POP1: variants seen among roughly 807,000 people sequenced by gnomAD.
POP1 encodes the protein ribonucleases P/MRP protein subunit POP1.
POP1 carries 75 observed loss-of-function variants against 102.2 expected under a neutral mutation model. The observed-to-expected ratio is 0.73, with a 90% CI of 0.61 to 0.89. The LOEUF (loss-of-function observed/expected upper bound fraction) is 0.89. Among genes scored for constraint, POP1 ranks in the 40% least tolerant of loss-of-function variants. POP1 has a pLI of 0.00. For missense variants in POP1, 1,116 were observed against 1,267.4 expected, an observed-to-expected ratio of 0.88 and a Z score of 1.81; for synonymous variants, 436 against 464.1, an observed-to-expected ratio of 0.94 and a Z score of 0.78.
intron 14 of POP1, among the ~76,000 whole-genome samples, chr8:98,150,852 C>T (rs1448926549): frequency 1.3e-5 from 2 of 152,054 alleles, no homozygotes. Flanking sequence ...GTTATAAACC[C>T]TTCTGTTTGT....
At chr8:98,122,737 T>C (rs1030815718) in intron 1 of POP1, among the ~76,000 whole-genome samples, 1 of 152,226 alleles carries the variant, frequency 6.6e-6, no homozygotes, top group Non-Finnish European at 1.5e-5. Context: ...TTGTAGGGTA[T>C]GTCTCGATAT....
At chr8:98,134,137 A>G in intron 6 of POP1, 101 bp downstream of exon 6, 2 of 908,922 alleles carry the variant, frequency 2.2e-6, no homozygotes, top group Non-Finnish European at 3.6e-6. Flanking sequence ...AAACATATAG[A>G]AAAGTGTGTG....
rs1350491660 is a variant in POP1 at position 98,147,653 on chromosome 8, C to A, written c.1710+970C>A. Among the ~76,000 whole-genome samples, 4 of 151,978 alleles carry A rather than the reference C, an allele frequency of 2.6e-5. No individual in the cohort carries two copies. The East Asian group carries it at 7.7e-4, about 29-fold the overall frequency. On this transcript the variant is annotated intron_variant, in intron 12 of 15. Coordinates refer to ENST00000401707, the MANE Select transcript of POP1 (RefSeq NM_001145860.2). ...GCCTTAAAAAGACCCTTGAAATATT[C>A]TAGGTATGACATAATGGGGGCCTGA...
intron 2 of POP1, among the ~76,000 whole-genome samples, chr8:98,126,904 T>C (rs933433441): frequency 6.6e-6 from 1 of 152,232 alleles, no homozygotes; most frequent in South Asian, 2.1e-4. Context: ...AAAATTGGAA[T>C]TTGATACACT....
chr8:98,141,567 T>G (rs1816704456), intron 11 of POP1, among the ~76,000 whole-genome samples: 1 of 151,990 alleles, frequency 6.6e-6, no homozygotes, highest in Non-Finnish European at 1.5e-5. Context: ...AGAATTTTTT[T>G]TTTTTTGAGA....
chr8:98,120,584 G>T (rs1040315285), intron 1 of POP1, among the ~76,000 whole-genome samples: 2 of 151,678 alleles, frequency 1.3e-5, no homozygotes, highest in Admixed American at 6.6e-5. Context: ...GGATTCTCGT[G>T]CCTCAGCCTC....
chr8:98,158,019 A>G lies in POP1; in HGVS notation c.2823A>G (p.Glu941=). 6.2e-7 allele frequency: 1 copy of G among 1,611,886 alleles called. No individual in the cohort carries two copies. The highest frequency in any genetic ancestry group is 1.6e-4 in the Middle Eastern group (1 of 6,062). Residue 941 remains glutamate, a synonymous_variant, in exon 16 of 16, where the codon GAA becomes GAG. Coordinates refer to ENST00000401707, the MANE Select transcript of POP1 (RefSeq NM_001145860.2). The part of the protein sequence containing the change: ...PAGEEPVAGQ[E]ALTLGLWSGP... ...GGGAAGAGCCCGTGGCTGGGCAGGA[A>G]GCTCTGACTCTAGGGCTGTGGTCAG...
At chr8:98,119,696 A>T in intron 1 of POP1, among the ~76,000 whole-genome samples, 1 of 152,044 alleles carries the variant, frequency 6.6e-6, no homozygotes, top group East Asian at 1.9e-4. Flanking sequence ...TTCCCACTTC[A>T]GCCTCCCGAG....
chr8:98,150,372 A>G (rs1243309299), intron 13 of POP1, 113 bp from the exon 14 acceptor site: 4 of 1,122,420 alleles, frequency 3.6e-6, no homozygotes, highest in Admixed American at 3.5e-5. Context: ...GTGTATTTCT[A>G]TCCATTCTCC....
intron 13 of POP1, 58 bp from the exon 14 acceptor site, chr8:98,150,427 A>T: frequency 6.3e-7 from 1 of 1,594,262 alleles, no homozygotes; most frequent in South Asian, 1.1e-5. Context: ...CCATATAAAC[A>T]TTAAGCAATT....
chr8:98,125,098 G>T (rs1158847236), intron 2 of POP1, among the ~76,000 whole-genome samples: 1 of 151,504 alleles, frequency 6.6e-6, no homozygotes, highest in Non-Finnish European at 1.5e-5. Flanking sequence ...GATTTATAGT[G>T]GCTTAATAAT....
In POP1 at chr8:98,157,767, T is replaced by C; in HGVS notation, c.2571T>C (p.Val857=). 1 of 1,614,188 alleles carries C rather than the reference T, an allele frequency of 6.2e-7. No individual in the cohort carries two copies. The highest frequency in any genetic ancestry group is 1.1e-5 in the South Asian group (1 of 91,082). Reference sequence around the variant, plus strand: ...TGGGCCACTTCCCCAGGGCCCTGGTTTGGGTCAGCCTGTCCCTGCTCAGCA... The same window carrying C: ...TGGGCCACTTCCCCAGGGCCCTGGTCTGGGTCAGCCTGTCCCTGCTCAGCA... The part of the protein sequence containing the change: ...SILGHFPRAL[V]WVSLSLLSKG... The change falls in exon 16 of 16, where the codon GTT becomes GTC. Residue 857 remains valine (V), a synonymous_variant. Transcript: ENST00000401707.
intron 5 of POP1, among the ~76,000 whole-genome samples, chr8:98,132,453 G>A (rs1816406214): frequency 1.3e-5 from 2 of 152,204 alleles, no homozygotes; most frequent in Admixed American, 6.5e-5. Context: ...AGATTTCTTT[G>A]TGTGAGTGAT....
At chr8:98,149,750 T>C (rs1231898730) in intron 13 of POP1, among the ~76,000 whole-genome samples, 2 of 151,802 alleles carry the variant, frequency 1.3e-5, no homozygotes, top group African/African-American at 2.4e-5. Context: ...AGCGAGACTC[T>C]GTCTCAAAAT....
intron 11 of POP1, 151 bp downstream of exon 11, chr8:98,141,039 A>G: frequency 1.1e-6 from 1 of 890,040 alleles, no homozygotes; most frequent in South Asian, 1.5e-5. Flanking sequence ...CAAGCTGATT[A>G]TGATCTAAGG....
At chr8:98,117,485 G>T (rs2130563293) in intron 1 of POP1, 95 bp downstream of exon 1, 1 of 250,608 alleles carries the variant, frequency 4.0e-6, no homozygotes, top group Non-Finnish European at 8.0e-6. Context: ...CCTCTTCATC[G>T]TTTCTCTCTC....
At chr8:98,129,170 T>C (rs1481328790) in intron 4 of POP1, among the ~76,000 whole-genome samples, 3 of 152,196 alleles carry the variant, frequency 2.0e-5, no homozygotes, top group Non-Finnish European at 4.4e-5. Context: ...GATCTGTGTT[T>C]CTAGGGTGTG....
rs144811903 is a variant in POP1 at position 98,150,582 on chromosome 8, C to T, written c.2000C>T (p.Pro667Leu). The stretch of plus-strand genomic sequence containing the variant: ...GTCCCAGGCGATTTTCCAGACTGCC[C>T]TGCCGGGATGCTGTTTGCGGAAGAG... ...PNVPGDFPDC[P>L]AGMLFAEEQA... The change falls in exon 14 of 16, where the codon CCT becomes CTT. Residue 667 changes from proline (P) to leucine (L), a missense_variant. By Grantham distance (98) the Pro-to-Leu change is moderately conservative. Transcript: ENST00000401707. 2 of 1,614,074 alleles carry T rather than the reference C, an allele frequency of 1.2e-6. No homozygotes were observed. Among genetic ancestry groups the T allele is most frequent in the African/African-American group, 1.3e-5 (1 of 74,940 alleles).
chr8:98,156,824 A>G (rs1307507708), intron 15 of POP1, among the ~76,000 whole-genome samples: 1 of 151,898 alleles, frequency 6.6e-6, no homozygotes, highest in Non-Finnish European at 1.5e-5. Flanking sequence ...TACCGGATAC[A>G]CTATGTTCTC....
Sources: gnomAD v4.1 joint callset for allele counts (sites outside exome capture counted in the v4.1 genomes callset) on GRCh38, gnomAD v4.1.1 for gene constraint, MANE v1.5 for transcripts, NCBI Gene and HGNC (gene_info 2026-07-23, HGNC 2026-07-21) for gene names.